TMEM132C: variants seen among roughly 807,000 people sequenced by gnomAD.
TMEM132C encodes the protein protein phosphatase 1, regulatory subunit 152.
TMEM132C carries 29 observed loss-of-function variants against 61.4 expected under a neutral mutation model. The observed-to-expected ratio is 0.47, with a 90% CI of 0.35 to 0.64. The LOEUF (loss-of-function observed/expected upper bound fraction) is 0.64, where lower values mean the gene tolerates loss of function less well. Ranked by LOEUF, TMEM132C falls within the 30% of genes least tolerant of loss-of-function variation. The pLI, the probability that TMEM132C is intolerant of heterozygous loss-of-function variation, is 0.00. For synonymous variants in TMEM132C, 656 were observed against 633.1 expected, an observed-to-expected ratio of 1.04 and a Z score of -0.54; for missense variants, 1,408 against 1,476.9, an observed-to-expected ratio of 0.95 and a Z score of 0.76.
At chr12:128,341,575 T>C (rs1283688566) in intron 1 of TMEM132C, among the ~76,000 whole-genome samples, 1 of 152,200 alleles carries the variant, frequency 6.6e-6, no homozygotes, top group African/African-American at 2.4e-5. Flanking sequence ...TGAAACACAA[T>C]GGAGCTAACT....
intron 3 of TMEM132C, among the ~76,000 whole-genome samples, chr12:128,584,709 A>G (rs1377002337): frequency 1.3e-5 from 2 of 152,200 alleles, no homozygotes; most frequent in East Asian, 1.9e-4. Context: ...GGCCACCTCA[A>G]CTGGGTCCAG....
intron 2 of TMEM132C, among the ~76,000 whole-genome samples, chr12:128,446,623 A>C (rs932757547): frequency 6.6e-6 from 1 of 152,200 alleles, no homozygotes; most frequent in Admixed American, 6.5e-5. Context: ...TTGCACTTTA[A>C]GTAGATTAGC....
At chr12:128,646,637 T>C (rs368082853) in intron 4 of TMEM132C, among the ~76,000 whole-genome samples, 13 of 152,164 alleles carry the variant, frequency 8.5e-5, no homozygotes, top group African/African-American at 2.9e-4. Flanking sequence ...GATGTGAGTG[T>C]GTTTAGCTCA....
intron 1 of TMEM132C, among the ~76,000 whole-genome samples, chr12:128,381,709 C>T (rs1392962496): frequency 6.6e-6 from 1 of 152,070 alleles, no homozygotes; most frequent in Non-Finnish European, 1.5e-5. Flanking sequence ...GGAGGCTGGC[C>T]GGGGTTTAAT....
At position 128,706,482 on chromosome 12, in the gene TMEM132C, G is replaced by T; in HGVS notation, c.*187G>T. On this transcript the variant is annotated 3_prime_UTR_variant, in exon 9 of 9. Transcript: ENST00000435159. The stretch of plus-strand genomic sequence containing the variant: ...AAGGGATTTTTAGCAGTTAATGGTG[G>T]TGGATTTTTAAAGGTCAGGGGAATA... 1 of 766,238 alleles carries T rather than the reference G, an allele frequency of 1.3e-6. No homozygotes were observed. The highest frequency in any genetic ancestry group is 1.9e-6 in the Non-Finnish European group (1 of 525,456). The allele number at this position is 766,238 out of a possible 1,614,324, so 47.5% of individuals were successfully genotyped here.
chr12:128,543,945 T>G lies in TMEM132C; in HGVS notation c.975-12T>G. 1 of 1,542,642 alleles carries G rather than the reference T, an allele frequency of 6.5e-7. No homozygotes were observed. The highest frequency in any genetic ancestry group is 8.7e-7 in the Non-Finnish European group (1 of 1,143,184). On this transcript the variant is annotated splice_polypyrimidine_tract_variant and intron_variant, in intron 2 of 8. Transcript: ENST00000435159. ...CCCTGTCTCTCTCTCTCTCCCATCT[T>G]CATCCCCACAGAGCCAAGGTGAAGA...
At chr12:128,334,854 T>G (rs1239258777) in intron 1 of TMEM132C, among the ~76,000 whole-genome samples, 1 of 152,186 alleles carries the variant, frequency 6.6e-6, no homozygotes, top group African/African-American at 2.4e-5. Context: ...CTTCAGCCTC[T>G]CAAAGTGCTG....
chr12:128,599,455 C>T (rs1482464590), intron 3 of TMEM132C, among the ~76,000 whole-genome samples: 1 of 152,208 alleles, frequency 6.6e-6, no homozygotes, highest in African/African-American at 2.4e-5. Flanking sequence ...GCACCTGGGC[C>T]TCTGACATGT....
At chr12:128,588,740 C>T (rs1479489510) in intron 3 of TMEM132C, among the ~76,000 whole-genome samples, 2 of 152,164 alleles carry the variant, frequency 1.3e-5, no homozygotes, top group Non-Finnish European at 2.9e-5. Flanking sequence ...CAAGTGAGGA[C>T]ACAGCATCTA....
At chr12:128,648,604 T>C (rs938413187) in intron 4 of TMEM132C, among the ~76,000 whole-genome samples, 32 of 133,726 alleles carry the variant, frequency 2.4e-4, no homozygotes, top group Non-Finnish European at 3.0e-4. Flanking sequence ...TGTGTTTAGC[T>C]CAGTCCATCA....
At chr12:128,310,494 T>TG (rs910069680) in intron 1 of TMEM132C, among the ~76,000 whole-genome samples, 11 of 151,520 alleles carry the variant, frequency 7.3e-5, no homozygotes, top group East Asian at 1.9e-4. Context: ...GAGAGTTGGG[T>TG]GGGGGGGTTT....
intron 2 of TMEM132C, among the ~76,000 whole-genome samples, chr12:128,440,853 A>G (rs1342664613): frequency 2.6e-5 from 4 of 152,142 alleles, no homozygotes; most frequent in Admixed American, 2.6e-4. Flanking sequence ...GTTCAAGACC[A>G]GCCTGGCCAA....
In TMEM132C at chr12:128,570,263, C is replaced by G. The variant is rs546778795; in HGVS notation, c.1121+26160C>G. Among the ~76,000 whole-genome samples the G allele has an allele frequency of 6.6e-6, 1 of 152,038 alleles. No homozygotes were observed. Among genetic ancestry groups the G allele is most frequent in the Non-Finnish European group, 1.5e-5 (1 of 68,018 alleles). ...GGTCACATTGAGAAAAGATGCAAGA[C>G]GCATTCTGACACTTAGGTGAAGCAC... On this transcript the variant is annotated intron_variant, in intron 3 of 8. Transcript: ENST00000435159. This position sits in a 1 kb window ranked among gnomAD's most constrained non-coding sequence, Gnocchi z 4.7.
intron 1 of TMEM132C, among the ~76,000 whole-genome samples, chr12:128,365,543 C>T (rs193026072): frequency 3.3e-5 from 5 of 152,262 alleles, no homozygotes; most frequent in Admixed American, 6.5e-5. Context: ...TCTTTCCCGA[C>T]CAAATTCACA....
chr12:128,476,088 A>T (rs1403481389), intron 2 of TMEM132C, among the ~76,000 whole-genome samples: 1 of 152,214 alleles, frequency 6.6e-6, no homozygotes, highest in Non-Finnish European at 1.5e-5. Context: ...TCCTCCAGGT[A>T]GGCAGCAAAG....
intron 1 of TMEM132C, among the ~76,000 whole-genome samples, chr12:128,401,768 C>A (rs975521509): frequency 1.3e-5 from 2 of 152,116 alleles, no homozygotes; most frequent in African/African-American, 4.8e-5. Flanking sequence ...CAGCGTCATG[C>A]AGAATCTGGG....
chr12:128,507,402 C>CTTTTTTTTTTTTTTTTTT (rs111625089), intron 2 of TMEM132C, among the ~76,000 whole-genome samples: 2 of 113,404 alleles, frequency 1.8e-5, no homozygotes, highest in Non-Finnish European at 3.6e-5. Context: ...TTTTTTCTTT[C>CTTTTTTTTTTTTTTTTTT]TTTTTTTTTT....
Position 128,706,469 on chromosome 12 carries a change from G to A in TMEM132C, c.*174G>A. On this transcript the variant is annotated 3_prime_UTR_variant, in exon 9 of 9. Coordinates refer to ENST00000435159, the MANE Select transcript of TMEM132C (RefSeq NM_001136103.3). The stretch of plus-strand genomic sequence containing the variant: ...ACGTTTTTGTATCAAGGGATTTTTA[G>A]CAGTTAATGGTGGTGGATTTTTAAA... 2.4e-6 allele frequency: 2 copies of A among 833,934 alleles called. No individual in the cohort carries two copies. Among genetic ancestry groups the A allele is most frequent in the Non-Finnish European group, 1.7e-6 (1 of 581,668 alleles). The allele number at this position is 833,934 out of a possible 1,614,324, so 51.7% of individuals were successfully genotyped here. A position where few individuals can be genotyped will look rare whatever the true frequency, so the allele number is the denominator to read the frequency against.
At chr12:128,562,984 G>A (rs1221375876) in intron 3 of TMEM132C, among the ~76,000 whole-genome samples, 2 of 152,230 alleles carry the variant, frequency 1.3e-5, no homozygotes, top group Non-Finnish European at 2.9e-5. Context: ...TCCAGCCAGG[G>A]AGAGGGACAA....
Sources: allele counts gnomAD v4.1 joint callset (sites outside exome capture counted in the v4.1 genomes callset), GRCh38; gene constraint gnomAD v4.1.1; non-coding constraint Gnocchi (gnomAD v3.1); transcripts MANE v1.5; gene names NCBI Gene and HGNC (gene_info 2026-07-23, HGNC 2026-07-21).